The following NFIA variants were observed in gnomAD, a reference collection of about 807,000 sequenced individuals.
NFIA encodes nuclear factor 1 A-type.
NFIA carries 8 observed loss-of-function variants against 62.8 expected under a neutral mutation model. The ratio of observed to expected loss-of-function variants is 0.13; its 90% CI spans 0.07 to 0.23. NFIA has a LOEUF of 0.23. Among genes scored for constraint, NFIA ranks in the 10% least tolerant of loss-of-function variants. The pLI is 1.00. For missense variants in NFIA, 410 were observed against 642.1 expected, an observed-to-expected ratio of 0.64 and a Z score of 3.91; for synonymous variants, 235 against 238.1, an observed-to-expected ratio of 0.99 and a Z score of 0.12.
At chr1:61,259,506 A>G (rs1238155155) in intron 2 of NFIA, among the ~76,000 whole-genome samples, 1 of 152,194 alleles carries the variant, frequency 6.6e-6, no homozygotes, top group Non-Finnish European at 1.5e-5. Context: ...CAGAGAAATG[A>G]ATTAGGATCT....
At chr1:61,440,924 C>T (rs141546303) in intron 10 of NFIA, among the ~76,000 whole-genome samples, 105 of 152,258 alleles carry the variant, frequency 6.9e-4, no homozygotes, top group African/African-American at 2.5e-3. Flanking sequence ...ATTATCTACT[C>T]CAGACTCCCA....
chr1:61,146,012 G>C (rs1647905766), intron 2 of NFIA, among the ~76,000 whole-genome samples: 1 of 152,328 alleles, frequency 6.6e-6, no homozygotes, highest in Non-Finnish European at 1.5e-5. Context: ...TGGAGGTGGG[G>C]AGTCTCAAAT....
chr1:61,377,379 T>G (rs1275763346), intron 6 of NFIA, among the ~76,000 whole-genome samples: 1 of 152,226 alleles, frequency 6.6e-6, no homozygotes, highest in Admixed American at 6.5e-5. Context: ...AGCTGCCTCC[T>G]GCCTCTCTTG....
chr1:61,307,916 G>A (rs556648931), intron 3 of NFIA, among the ~76,000 whole-genome samples: 29 of 152,244 alleles, frequency 1.9e-4, no homozygotes, highest in Admixed American at 1.5e-3. Context: ...TGTTGTTGTT[G>A]TTATTATTAT....
At chr1:61,105,449 G>A (rs1477954381) in intron 2 of NFIA, among the ~76,000 whole-genome samples, 5 of 151,832 alleles carry the variant, frequency 3.3e-5, no homozygotes, top group Non-Finnish European at 5.9e-5. Context: ...CAGAATTATA[G>A]CATCTTAGAT....
At chr1:61,182,808 TTTAA>T (rs1570329533) in intron 2 of NFIA, among the ~76,000 whole-genome samples, 1 of 152,206 alleles carries the variant, frequency 6.6e-6, no homozygotes, top group Non-Finnish European at 1.5e-5. Flanking sequence ...TAGGGAAAAG[TTTAA>T]TTATTGTTTA....
At position 61,240,237 on chromosome 1, in the gene NFIA, A is replaced by G. The variant is rs548898280; in HGVS notation, c.560-37283A>G. On this transcript the variant is annotated intron_variant, in intron 2 of 10. Coordinates refer to ENST00000403491, the MANE Select transcript of NFIA (RefSeq NM_001134673.4). ...TAAAAAGCACTGCAGTAGTGGAAAC[A>G]TTGTTATTAATGGATGGCTTTAGCC... 4.3e-4 allele frequency among the ~76,000 whole-genome samples: 66 copies of G among 152,250 alleles called. 3 individuals are homozygous for G. In the South Asian group the frequency reaches 0.012, roughly 27 times the overall value.
chr1:61,277,384 T>A (rs547760799), intron 2 of NFIA, 136 bp from the exon 3 acceptor site: 3 of 773,992 alleles, frequency 3.9e-6, no homozygotes, highest in Non-Finnish European at 6.4e-6. Context: ...TCTTTTCTTT[T>A]TTTCATGTCT....
chr1:61,404,887 A>C (rs1665741931), intron 8 of NFIA, among the ~76,000 whole-genome samples: 1 of 152,206 alleles, frequency 6.6e-6, no homozygotes, highest in Non-Finnish European at 1.5e-5. Context: ...TTTTTCCTCA[A>C]ATAAACCAAA....
intron 9 of NFIA, among the ~76,000 whole-genome samples, chr1:61,422,433 C>G (rs1215078014): frequency 6.6e-6 from 1 of 152,170 alleles, no homozygotes; most frequent in African/African-American, 2.4e-5. Context: ...AAGGCTATTA[C>G]AAACTCAAAA....
At chr1:61,439,194 G>A (rs750219425) in intron 10 of NFIA, among the ~76,000 whole-genome samples, 3 of 152,014 alleles carry the variant, frequency 2.0e-5, no homozygotes, top group Non-Finnish European at 4.4e-5. Flanking sequence ...AGATAATGGT[G>A]TATCAGATTA....
chr1:61,441,376 G>A (rs1375063434), intron 10 of NFIA, among the ~76,000 whole-genome samples: 3 of 150,494 alleles, frequency 2.0e-5, no homozygotes. Context: ...TTCCGTCTAT[G>A]CTCCTGGACA....
In NFIA at chr1:61,426,457, C is replaced by G. The variant is rs1290528345; in HGVS notation, c.1421-8C>G. The G allele has an allele frequency of 6.5e-7, 1 of 1,549,516 alleles. No individual in the cohort carries two copies. On this transcript the variant is annotated splice_region_variant and splice_polypyrimidine_tract_variant and intron_variant, in intron 9 of 10. Coordinates refer to ENST00000403491, the MANE Select transcript of NFIA (RefSeq NM_001134673.4). ...CTTCCTGAACGCATGTGTCCCTTCC[C>G]TTCACAGCCTACTCGACACCCAGCA...
intron 4 of NFIA, among the ~76,000 whole-genome samples, chr1:61,332,909 A>G (rs541370337): frequency 1.3e-5 from 2 of 152,294 alleles, no homozygotes; most frequent in East Asian, 3.9e-4. Context: ...AGTATGAGTG[A>G]CACAGTCTGG....
At chr1:61,178,126 T>C (rs1003015571) in intron 2 of NFIA, among the ~76,000 whole-genome samples, 2 of 152,132 alleles carry the variant, frequency 1.3e-5, no homozygotes, top group African/African-American at 2.4e-5. Context: ...ACTTTGAAAA[T>C]TTGCCAAGGT....
In NFIA at chr1:61,423,796, C is replaced by T. The variant is rs369939304; in HGVS notation, c.1421-2669C>T. On this transcript the variant is annotated intron_variant, in intron 9 of 10. Transcript: ENST00000403491. ...GTTATATCATTTTTGGGACTATATC[C>T]TGTTATAGGTAACTGCCCTGCTAGA... Among the ~76,000 whole-genome samples, 13 of 152,198 alleles carry T rather than the reference C, an allele frequency of 8.5e-5. 1 individual carries two copies. In the East Asian group the frequency reaches 2.3e-3, roughly 27 times the overall value.
At chr1:61,115,718 C>T (rs992070249) in intron 2 of NFIA, among the ~76,000 whole-genome samples, 5 of 152,194 alleles carry the variant, frequency 3.3e-5, no homozygotes, top group Admixed American at 2.0e-4. Context: ...CAAGGCTGCC[C>T]GTGAGAAACT....
chr1:61,201,537 A>G (rs1652494429), intron 2 of NFIA, among the ~76,000 whole-genome samples: 1 of 152,032 alleles, frequency 6.6e-6, no homozygotes, highest in Non-Finnish European at 1.5e-5. Context: ...AAAAAAGGAA[A>G]AAGGAAATAA....
At chr1:61,246,508 C>T (rs1446973910) in intron 2 of NFIA, among the ~76,000 whole-genome samples, 1 of 152,096 alleles carries the variant, frequency 6.6e-6, no homozygotes, top group African/African-American at 2.4e-5. Context: ...TGCATGACTT[C>T]AGATGCAGTA....
Sources: allele counts gnomAD v4.1 joint callset (sites outside exome capture counted in the v4.1 genomes callset), GRCh38; gene constraint gnomAD v4.1.1; transcripts MANE v1.5; gene names NCBI Gene and HGNC (gene_info 2026-07-23, HGNC 2026-07-21).